Variants in DSCAM observed in about 807,000 individuals in gnomAD.
DSCAM encodes cell adhesion molecule DSCAM.
In DSCAM, 47 loss-of-function variants were observed where a neutral mutation model predicts 217.7. That is an observed-to-expected ratio of 0.22 (90% CI 0.17 to 0.28). The LOEUF (loss-of-function observed/expected upper bound fraction) is 0.28. Ranked by LOEUF, DSCAM falls within the 10% of genes least tolerant of loss-of-function variation. DSCAM has a pLI of 1.00. For missense variants in DSCAM, 2,080 were observed against 2,618.3 expected, an observed-to-expected ratio of 0.79 and a Z score of 4.49; for synonymous variants, 1,056 against 1,015.3, an observed-to-expected ratio of 1.04 and a Z score of -0.76.
intron 3 of DSCAM, among the ~76,000 whole-genome samples, chr21:40,560,023 G>C (rs1470854515): frequency 6.6e-6 from 1 of 152,054 alleles, no homozygotes; most frequent in Non-Finnish European, 1.5e-5. Flanking sequence ...TCGATCTCCT[G>C]ACCTCGTGAT....
chr21:40,273,877 G>C (rs533182804), intron 11 of DSCAM, among the ~76,000 whole-genome samples: 265 of 152,212 alleles, frequency 1.7e-3, no homozygotes, highest in Non-Finnish European at 3.3e-3. Context: ...ATCCCTGAGG[G>C]CTCCCCCTTT....
intron 24 of DSCAM, 104 bp downstream of exon 24, chr21:40,083,804 G>T: frequency 1.3e-6 from 1 of 753,226 alleles, no homozygotes. Context: ...ATTTTTGGGG[G>T]AGAATAAAGT....
chr21:40,620,063 GAAAGAGAGAAAGAGAAAAAAGAA>G (rs1373832138), intron 3 of DSCAM, among the ~76,000 whole-genome samples: 30 of 73,306 alleles, frequency 4.1e-4, no homozygotes, highest in Admixed American at 6.8e-4. Context: ...GAAAAAGAAA[GAAAGAGAGAAAGAGAAAAAAGAA>G]AGAGAGAGAA....
chr21:40,591,119 T>G (rs1279235932), intron 3 of DSCAM, among the ~76,000 whole-genome samples: 1 of 152,136 alleles, frequency 6.6e-6, no homozygotes, highest in Non-Finnish European at 1.5e-5. Flanking sequence ...TTTAGGTGTT[T>G]GGTAGAACTT....
intron 4 of DSCAM, among the ~76,000 whole-genome samples, chr21:40,367,702 TCTC>T (rs1310725476): frequency 6.6e-6 from 1 of 152,176 alleles, no homozygotes; most frequent in Non-Finnish European, 1.5e-5. Flanking sequence ...ACCCCTCCCT[TCTC>T]CTGGCATCTA....
At chr21:40,553,480 C>T (rs1024111187) in intron 3 of DSCAM, among the ~76,000 whole-genome samples, 1 of 152,220 alleles carries the variant, frequency 6.6e-6, no homozygotes, top group African/African-American at 2.4e-5. Context: ...CAGGACACAT[C>T]CCAAGGCCCT....
chr21:40,760,118 C>T (rs568672345), intron 1 of DSCAM, among the ~76,000 whole-genome samples: 39 of 152,006 alleles, frequency 2.6e-4, no homozygotes, highest in South Asian at 1.5e-3. Context: ...CTCAGCCTCC[C>T]GAGTAGCTGG....
chr21:40,180,021 C>A (rs1318149391), intron 14 of DSCAM, among the ~76,000 whole-genome samples: 1 of 152,212 alleles, frequency 6.6e-6, no homozygotes, highest in Admixed American at 6.5e-5. Context: ...AGTAAGTCTT[C>A]CATGGATAAT....
intron 32 of DSCAM, among the ~76,000 whole-genome samples, chr21:40,036,938 CA>C (rs1217901435): frequency 6.6e-6 from 1 of 150,692 alleles, no homozygotes; most frequent in African/African-American, 2.5e-5. Flanking sequence ...TGCATAGATG[CA>C]GAAAGGGCCT....
intron 9 of DSCAM, among the ~76,000 whole-genome samples, chr21:40,302,638 T>A (rs936189626): frequency 1.5e-4 from 23 of 152,194 alleles, no homozygotes; most frequent in Non-Finnish European, 2.8e-4. Flanking sequence ...CTTCTCTGAA[T>A]CATAATTACG....
intron 11 of DSCAM, among the ~76,000 whole-genome samples, chr21:40,245,622 G>A (rs2073213381): frequency 6.6e-6 from 1 of 152,210 alleles, no homozygotes; most frequent in Non-Finnish European, 1.5e-5. Flanking sequence ...GGTGCTGGCA[G>A]GGAGGCTCGC....
At chr21:40,536,205 C>T (rs959636014) in intron 3 of DSCAM, among the ~76,000 whole-genome samples, 14 of 152,122 alleles carry the variant, frequency 9.2e-5, no homozygotes, top group Non-Finnish European at 2.1e-4. Context: ...CCTGTGATGC[C>T]GACTGGGACA....
At chr21:40,183,803 T>C (rs1000371) in intron 14 of DSCAM, among the ~76,000 whole-genome samples, 60,137 of 152,136 alleles carry the variant, frequency 0.4, 14,457 homozygotes, top group African/African-American at 0.68. Flanking sequence ...AGTACTTTAA[T>C]ACATTGGTTA....
At chr21:40,447,117 G>A (rs2075681346) in intron 3 of DSCAM, among the ~76,000 whole-genome samples, 1 of 152,150 alleles carries the variant, frequency 6.6e-6, no homozygotes, top group Non-Finnish European at 1.5e-5. Context: ...AGGGGTCACT[G>A]TAGGGAACCC....
intron 32 of DSCAM, among the ~76,000 whole-genome samples, chr21:40,040,090 G>A (rs1031964092): frequency 6.6e-6 from 1 of 152,124 alleles, no homozygotes; most frequent in African/African-American, 2.4e-5. Context: ...ATAAAGGAGC[G>A]ACGGAAAGGT....
At chr21:40,523,333 A>T (rs1184355963) in intron 3 of DSCAM, among the ~76,000 whole-genome samples, 1 of 152,110 alleles carries the variant, frequency 6.6e-6, no homozygotes, top group East Asian at 1.9e-4. Flanking sequence ...TGCCTATAAA[A>T]ACCCCGAGAC....
chr21:40,593,099 C>A (rs1432772177), intron 3 of DSCAM, among the ~76,000 whole-genome samples: 1 of 152,120 alleles, frequency 6.6e-6, no homozygotes, highest in Non-Finnish European at 1.5e-5. Context: ...GCCTTAGAAA[C>A]CTGTTAACTT....
chr21:40,684,149 G>T (rs368825294), intron 3 of DSCAM, among the ~76,000 whole-genome samples: 1 of 151,846 alleles, frequency 6.6e-6, no homozygotes, highest in African/African-American at 2.4e-5. Flanking sequence ...ACTTGAACTC[G>T]GTGGAGAAGA....
At chr21:40,501,551 T>G (rs1025319975) in intron 3 of DSCAM, among the ~76,000 whole-genome samples, 2 of 152,208 alleles carry the variant, frequency 1.3e-5, no homozygotes, top group African/African-American at 4.8e-5. Context: ...CTGCCTCTTT[T>G]CTCATGAGAA....
Sources: allele counts gnomAD v4.1 joint callset (sites outside exome capture counted in the v4.1 genomes callset), GRCh38; gene constraint gnomAD v4.1.1; transcripts MANE v1.5; gene names NCBI Gene and HGNC (gene_info 2026-07-23, HGNC 2026-07-21).